The following UNC45A variants were observed in gnomAD, a reference collection of about 807,000 sequenced individuals.
UNC45A encodes the protein unc-45 myosin chaperone A.
A neutral mutation model predicts 103.2 loss-of-function variants in UNC45A; 78 were observed. That is an observed-to-expected ratio of 0.76 (90% confidence interval 0.63 to 0.91). UNC45A has a LOEUF of 0.91. UNC45A is among the 40% of genes least tolerant of loss of function. The probability of loss-of-function intolerance (pLI) is 0.00; values close to 1 mark genes in which losing one functional copy is unlikely to be tolerated. For missense variants in UNC45A, 1,193 were observed against 1,224.8 expected, an observed-to-expected ratio of 0.97 and a Z score of 0.39; for synonymous variants, 495 against 504.6, an observed-to-expected ratio of 0.98 and a Z score of 0.25.
At chr15:90,938,307 T>A (rs2151357303) in intron 4 of UNC45A, among the ~76,000 whole-genome samples, 1 of 152,274 alleles carries the variant, frequency 6.6e-6, no homozygotes. Context: ...AAGACCATTA[T>A]GAGCTACAAC....
At chr15:90,935,768 T>C (rs1263644363) in intron 2 of UNC45A, 63 bp downstream of exon 2, 2 of 1,522,776 alleles carry the variant, frequency 1.3e-6, no homozygotes, top group East Asian at 2.3e-5. Flanking sequence ...TCTAAGCTGA[T>C]GCTTGGGCCC....
Position 90,944,969 on chromosome 15 carries a change from A to C in UNC45A, c.1105A>C (p.Met369Leu). 1 of 1,612,862 alleles carries C rather than the reference A, an allele frequency of 6.2e-7. No homozygotes were observed. Among genetic ancestry groups the C allele is most frequent in the Non-Finnish European group, 8.5e-7 (1 of 1,180,036 alleles). ...GCTCGCAGTGACCGCAAACAGCCGC[A>C]TGAGCGCCTCTATTCTCCTCAGCAA... ...GELAVTANSR[M>L]SASILLSKLF... Residue 369 changes from methionine to leucine, a missense_variant, in exon 9 of 20, where the codon ATG becomes CTG. Transcript: ENST00000418476.
intron 8 of UNC45A, among the ~76,000 whole-genome samples, 199 bp downstream of exon 8, chr15:90,943,281 T>A (rs1245795163): frequency 1.3e-5 from 2 of 151,726 alleles, no homozygotes; most frequent in Non-Finnish European, 2.9e-5. Context: ...TAAAAAAAAT[T>A]AGCTGGGCAT....
In UNC45A at chr15:90,947,874, G is replaced by C; in HGVS notation, c.1579G>C (p.Ala527Pro). The change falls in exon 11 of 20, where the codon GCT (alanine) becomes CCT (proline). Residue 527 changes from alanine (A) to proline (P), a missense_variant. By Grantham distance (27) the Ala-to-Pro change is conservative. Transcript: ENST00000418476. ...TGCTGAAGGCTCCACTCTCAAACTG[G>C]CTAAGCAGTGTCGAAAGTGAGTCAT... The part of the protein sequence containing the change: ...QFAEGSTLKL[A>P]KQCRKWLCND... The C allele has an allele frequency of 6.2e-7, 1 of 1,613,866 alleles. No homozygotes were observed. The highest frequency in any genetic ancestry group is 1.1e-5 in the South Asian group (1 of 91,080).
At chr15:90,935,480 C>T in intron 1 of UNC45A, 64 bp from the exon 2 acceptor site, 1 of 1,572,328 alleles carries the variant, frequency 6.4e-7, no homozygotes, top group East Asian at 2.2e-5. Flanking sequence ...CCTCTCCTCT[C>T]CCCTTAGCTC....
Position 90,949,417 on chromosome 15 carries a change from C to CAGT in UNC45A, c.1981_1983dup (p.Ser662dup). The CAGT allele has an allele frequency of 1.9e-6, 3 of 1,613,798 alleles. No individual in the cohort carries two copies. The highest frequency in any genetic ancestry group is 2.5e-6 in the Non-Finnish European group (3 of 1,180,020). ...TGAAGACGGAGAGCCCTGTGCTGAC[C>CAGT]AGTTCCTGCAGAGAGCTGCTCTCCA... On this transcript the variant is annotated inframe_insertion, in exon 14 of 20. Coordinates refer to ENST00000418476, the MANE Select transcript of UNC45A (RefSeq NM_018671.5).
intron 10 of UNC45A, chr15:90,947,168 C>G (rs2036618690): frequency 1.6e-5 from 8 of 501,802 alleles, no homozygotes; most frequent in Non-Finnish European, 2.9e-5. Flanking sequence ...GCCTGGGCAA[C>G]ACAGCAAGAC....
intron 15 of UNC45A, 86 bp downstream of exon 15, chr15:90,949,806 G>A (rs998639095): frequency 3.7e-6 from 5 of 1,367,428 alleles, no homozygotes; most frequent in East Asian, 4.6e-5. Context: ...AGAGCTGGGT[G>A]TTAGATATGG....
intron 8 of UNC45A, 81 bp from the exon 9 acceptor site, chr15:90,944,811 C>T: frequency 6.7e-7 from 1 of 1,501,130 alleles, no homozygotes; most frequent in African/African-American, 1.4e-5. Flanking sequence ...TGCTTTTCTC[C>T]ACATCTCCTA....
chr15:90,940,159 T>C (rs2036217324), intron 5 of UNC45A, 147 bp from the exon 6 acceptor site: 1 of 846,756 alleles, frequency 1.2e-6, no homozygotes, highest in African/African-American at 1.7e-5. Context: ...CAGAGGAAGC[T>C]AAACTTCAAA....
At chr15:90,931,641 A>G (rs1490301455), upstream of UNC45A, 1 of 1,613,948 alleles carries the variant, frequency 6.2e-7, no homozygotes, top group African/African-American at 1.3e-5. Flanking sequence ...GAACTGACCA[A>G]CATGTGTCTT....
rs1567148252 is a variant in UNC45A, at chr15:90,936,464, T to C, written c.426+4T>C. The C allele has an allele frequency of 6.2e-7, 1 of 1,613,716 alleles. No individual in the cohort carries two copies. The highest frequency in any genetic ancestry group is 1.7e-5 in the Admixed American group (1 of 59,980). On this transcript the variant is annotated splice_donor_region_variant and intron_variant, in intron 4 of 19. Transcript: ENST00000418476. Reference sequence around the variant, plus strand: ...CGGGGGCCAGATTCAGGAGAAGGTATGTGAGTGACCCAGAGAGGTGGAAGC... The same window carrying C: ...CGGGGGCCAGATTCAGGAGAAGGTACGTGAGTGACCCAGAGAGGTGGAAGC...
At chr15:90,953,387 G>C (rs930462669) in intron 19 of UNC45A, 72 bp from the exon 20 acceptor site, 5 of 1,598,062 alleles carry the variant, frequency 3.1e-6, no homozygotes, top group Non-Finnish European at 4.3e-6. Flanking sequence ...CAGTCCTAGG[G>C]TGTGTGGGTG....
At chr15:90,932,160 C>A (rs754310590), upstream of UNC45A, 42 of 1,544,180 alleles carry the variant, frequency 2.7e-5, no homozygotes, top group South Asian at 3.0e-4. Context: ...AGTCCCAAGG[C>A]GGTGTGTTGT....
intron 17 of UNC45A, 114 bp downstream of exon 17, chr15:90,950,729 C>A: frequency 1.9e-6 from 2 of 1,041,794 alleles, no homozygotes; most frequent in Non-Finnish European, 1.4e-6. Context: ...GTGAGCCTCA[C>A]AGTGACTGCT....
Position 90,949,513 on chromosome 15 carries a change from A to G in UNC45A, c.2006+70A>G, listed in dbSNP as rs550851766. 167 of 1,603,404 alleles carry G rather than the reference A, an allele frequency of 1.0e-4. No homozygotes were observed. The African/African-American group carries it at 2.0e-3, about 19-fold the overall frequency. ...CTCAGGGCTGCAGATGTGGCTCCAGAGGGTGCAGGTTCCAGTGCTGTGGGC... is the reference window on the plus strand; with the variant it reads ...CTCAGGGCTGCAGATGTGGCTCCAGGGGGTGCAGGTTCCAGTGCTGTGGGC... On this transcript the variant is annotated intron_variant, in intron 14 of 19. Coordinates refer to ENST00000418476, the MANE Select transcript of UNC45A (RefSeq NM_018671.5).
chr15:90,953,303 C>A lies in UNC45A; in HGVS notation c.2570C>A (p.Pro857His), dbSNP rs151115444. The stretch of plus-strand genomic sequence containing the variant: ...CGGCCCACGCTCTGCAGCCGCATTC[C>A]CCAAGTGGTCAGTGCCTCTTCTCAG... ...SMRPTLCSRI[P>H]QVTTHWLEIL... is the part of the protein sequence containing the mutation. The change falls in exon 19 of 20, where the codon CCC becomes CAC. Residue 857 changes from proline to histidine, a missense_variant. Coordinates refer to ENST00000418476, the MANE Select transcript of UNC45A (RefSeq NM_018671.5). 1 of 1,608,394 alleles carries A rather than the reference C, an allele frequency of 6.2e-7. No homozygotes were observed. The highest frequency in any genetic ancestry group is 1.1e-5 in the South Asian group (1 of 90,364).
chr15:90,934,817 G>A (rs866151904), upstream of UNC45A: 7 of 413,208 alleles, frequency 1.7e-5, no homozygotes, highest in African/African-American at 1.0e-4. Context: ...GTGTATGTAA[G>A]ACGACACTTA....
At chr15:90,931,533 C>G (rs1310664370), upstream of UNC45A, 5 of 1,614,176 alleles carry the variant, frequency 3.1e-6, no homozygotes, top group East Asian at 8.9e-5. Context: ...AAAACTTCCC[C>G]TTGGCCCAGC....
Sources: gnomAD v4.1 joint callset for allele counts (sites outside exome capture counted in the v4.1 genomes callset) on GRCh38, gnomAD v4.1.1 for gene constraint, MANE v1.5 for transcripts, NCBI Gene and HGNC (gene_info 2026-07-23, HGNC 2026-07-21) for gene names.